Variants in MGRN1 observed in about 807,000 individuals in gnomAD.
MGRN1 encodes the protein mahogunin ring finger 1.
In MGRN1, 29 loss-of-function variants were observed where a neutral mutation model predicts 69.2. The ratio of observed to expected loss-of-function variants is 0.42; its 90% CI spans 0.31 to 0.57. The LOEUF (loss-of-function observed/expected upper bound fraction) is 0.57. Ranked by LOEUF, MGRN1 falls within the 20% of genes least tolerant of loss-of-function variation. MGRN1 has a pLI of 0.15. For synonymous variants in MGRN1, 470 were observed against 344.2 expected, an observed-to-expected ratio of 1.37 and a Z score of -4.04; for missense variants, 998 against 796.2, an observed-to-expected ratio of 1.25 and a Z score of -3.05.
In MGRN1 at chr16:4,670,708, T is replaced by C. The variant is rs139129632; in HGVS notation, c.727-683T>C. Among the ~76,000 whole-genome samples, 177 of 152,254 alleles carry C rather than the reference T, an allele frequency of 1.2e-3. 2 individuals carry two copies. The highest frequency in any genetic ancestry group is 3.9e-3 in the African/African-American group (162 of 41,548). On this transcript the variant is annotated intron_variant, in intron 8 of 16. Transcript: ENST00000262370. The stretch of plus-strand genomic sequence containing the variant: ...TGTCTATTTAAAATGTAAATCACAA[T>C]AAACAAAAGAGAGGTGCAGCAAACT...
chr16:4,663,628 C>T (rs1226372546), intron 5 of MGRN1, among the ~76,000 whole-genome samples: 1 of 152,204 alleles, frequency 6.6e-6, no homozygotes, highest in Admixed American at 6.5e-5. Flanking sequence ...TCCCTGCCCT[C>T]TATGGAGGGA....
chr16:4,664,655 G>T, intron 5 of MGRN1, 54 bp from the exon 6 acceptor site: 3 of 1,589,658 alleles, frequency 1.9e-6, no homozygotes, highest in South Asian at 1.1e-5. Context: ...CCGACTCCAG[G>T]CTTCCAGGCT....
chr16:4,688,412 G>A, intron 16 of MGRN1: 1 of 1,031,330 alleles, frequency 9.7e-7, no homozygotes. Context: ...GGTTGACCGA[G>A]TTCCACCCTA....
At chr16:4,650,654 G>A (rs990399712) in intron 2 of MGRN1, 171 bp downstream of exon 2, 2 of 531,846 alleles carry the variant, frequency 3.8e-6, no homozygotes, top group South Asian at 5.9e-5. Flanking sequence ...CCTGGAATGG[G>A]TTGTGTCCTG....
chr16:4,684,388 G>T (rs747224120), intron 16 of MGRN1, among the ~76,000 whole-genome samples: 6 of 152,250 alleles, frequency 3.9e-5, no homozygotes, highest in Non-Finnish European at 7.3e-5. Flanking sequence ...GTGCCTGAGA[G>T]CTGCAGACAG....
chr16:4,684,127 C>T (rs1238579639), intron 16 of MGRN1, among the ~76,000 whole-genome samples, 195 bp downstream of exon 16: 2 of 152,276 alleles, frequency 1.3e-5, no homozygotes, highest in African/African-American at 4.8e-5. Flanking sequence ...ACAAAGCAGC[C>T]TCAGGCAGGG....
chr16:4,653,081 C>A (rs79314275), intron 4 of MGRN1, among the ~76,000 whole-genome samples: 5,777 of 152,246 alleles, frequency 0.038, 373 homozygotes, highest in African/African-American at 0.13. Context: ...CTTTGAGGGC[C>A]CAGTCCCACA....
chr16:4,630,547 C>T (rs556857305), intron 1 of MGRN1, among the ~76,000 whole-genome samples: 4 of 151,536 alleles, frequency 2.6e-5, no homozygotes, highest in African/African-American at 9.7e-5. Flanking sequence ...GCCCGGGTTC[C>T]AGCGATTCTT....
chr16:4,688,537 A>C, intron 16 of MGRN1: 2 of 1,254,854 alleles, frequency 1.6e-6, no homozygotes, highest in Non-Finnish European at 2.0e-6. Flanking sequence ...TCGCGCTCTG[A>C]CTCGGGGCTG....
chr16:4,642,613 C>A (rs949508792), intron 1 of MGRN1, among the ~76,000 whole-genome samples: 1 of 151,426 alleles, frequency 6.6e-6, no homozygotes, highest in Non-Finnish European at 1.5e-5. Context: ...CGTGAGCCAC[C>A]GCACCCGGCC....
In MGRN1 at chr16:4,671,126, G is replaced by A. The variant is rs73521413; in HGVS notation, c.727-265G>A. Among the ~76,000 whole-genome samples, 1,400 of 152,296 alleles carry A rather than the reference G, an allele frequency of 9.2e-3. 21 individuals are homozygous for A. The highest frequency in any genetic ancestry group is 0.033 in the African/African-American group (1,362 of 41,550). ...GTGTTGGGGGTGGTGAGGCGGTCAG[G>A]GGGTGGTGGTTGGGCCTGTGGGTTG... On this transcript the variant is annotated intron_variant, in intron 8 of 16. Transcript: ENST00000262370.
In MGRN1 at chr16:4,670,484, C is replaced by A. The variant is rs531017938; in HGVS notation, c.727-907C>A. ...TCTCAAACTTTTGGGCTCAAGTGATCCACCAGCCTCGGCCTCCTACTAAAG... is the reference window on the plus strand; with the variant it reads ...TCTCAAACTTTTGGGCTCAAGTGATACACCAGCCTCGGCCTCCTACTAAAG... On this transcript the variant is annotated intron_variant, in intron 8 of 16. Coordinates refer to ENST00000262370, the MANE Select transcript of MGRN1 (RefSeq NM_015246.4). Among the ~76,000 whole-genome samples, 6 of 152,350 alleles carry A rather than the reference C, an allele frequency of 3.9e-5. No individual in the cohort carries two copies. The South Asian group carries it at 1.2e-3, about 32-fold the overall frequency.
intron 5 of MGRN1, among the ~76,000 whole-genome samples, chr16:4,659,496 C>T (rs961697779): frequency 1.6e-4 from 24 of 152,164 alleles, no homozygotes; most frequent in South Asian, 2.1e-4. Context: ...CTGAGGGGTA[C>T]GGTGTTTAGG....
At chr16:4,668,506 CAT>C (rs879694036) in intron 8 of MGRN1, among the ~76,000 whole-genome samples, 194 bp downstream of exon 8, 9 of 151,908 alleles carry the variant, frequency 5.9e-5, no homozygotes, top group Admixed American at 2.0e-4. Flanking sequence ...CACATTCACA[CAT>C]ATATAGACAC....
chr16:4,663,391 T>TTTTTTC (rs150893432), intron 5 of MGRN1, among the ~76,000 whole-genome samples: 2 of 123,172 alleles, frequency 1.6e-5, no homozygotes, highest in African/African-American at 5.4e-5. Context: ...TTTTTTTTTT[T>TTTTTTC]ACACCTTTAT....
intron 4 of MGRN1, among the ~76,000 whole-genome samples, chr16:4,655,586 G>C (rs189019222): frequency 2.7e-4 from 41 of 152,126 alleles, no homozygotes; most frequent in Admixed American, 1.0e-3. Flanking sequence ...CCCTCTCTCA[G>C]GACCTGGTAC....
intron 16 of MGRN1, chr16:4,686,614 C>T: frequency 1.7e-6 from 2 of 1,196,742 alleles, no homozygotes; most frequent in African/African-American, 3.1e-5. Context: ...GGGAGACAGA[C>T]ACAGCCCAGG....
At chr16:4,669,075 C>T (rs2078881050) in intron 8 of MGRN1, 1 of 152,388 alleles carries the variant, frequency 6.6e-6, no homozygotes, top group African/African-American at 2.4e-5. Context: ...TAGACACACA[C>T]ACACACTCTT....
chr16:4,639,403 G>A (rs1313982090), intron 1 of MGRN1, among the ~76,000 whole-genome samples: 2 of 152,140 alleles, frequency 1.3e-5, no homozygotes, highest in East Asian at 1.9e-4. Context: ...CAGGGCATGT[G>A]GAATCACTGG....
Sources: gnomAD v4.1 joint callset for allele counts (sites outside exome capture counted in the v4.1 genomes callset) on GRCh38, gnomAD v4.1.1 for gene constraint, MANE v1.5 for transcripts, NCBI Gene and HGNC (gene_info 2026-07-23, HGNC 2026-07-21) for gene names.